The following YAF2 variants were observed in gnomAD, a reference collection of about 807,000 sequenced individuals.
YAF2 encodes YY1 associated factor 2.
YAF2 carries 7 observed loss-of-function variants against 20.1 expected under a neutral mutation model. That is an observed-to-expected ratio of 0.35 (90% CI 0.20 to 0.65). The LOEUF is 0.65. Among genes scored for constraint, YAF2 ranks in the 30% least tolerant of loss-of-function variants. YAF2 has a pLI of 0.69. For missense variants in YAF2, 151 were observed against 219.2 expected (o/e 0.69, Z 1.96); for synonymous variants, 74 against 76.0 (o/e 0.97, Z 0.14).
At chr12:42,204,405 C>A (rs1040927383) in intron 2 of YAF2, among the ~76,000 whole-genome samples, 4 of 152,182 alleles carry the variant, frequency 2.6e-5, no homozygotes, top group Admixed American at 1.3e-4. Context: ...CTACTATGTA[C>A]AGACTTTTTT....
chr12:42,234,920 C>T, intron 2 of YAF2: 4 of 884,434 alleles, frequency 4.5e-6, no homozygotes, highest in East Asian at 1.2e-4. Context: ...CCTGGGAGTT[C>T]GAGGCTGCAG....
chr12:42,235,021 G>C, intron 2 of YAF2: 1 of 985,338 alleles, frequency 1.0e-6, no homozygotes, highest in African/African-American at 1.7e-5. Flanking sequence ...AGACTTCAAA[G>C]GTAGAACAAG....
intron 2 of YAF2, among the ~76,000 whole-genome samples, chr12:42,165,564 C>T (rs768670041): frequency 3.3e-4 from 50 of 150,950 alleles, no homozygotes; most frequent in Non-Finnish European, 6.5e-4. Context: ...CCTGGGTTCA[C>T]GCCATTCTCC....
chr12:42,233,575 G>A, intron 2 of YAF2: 1 of 786,824 alleles, frequency 1.3e-6, no homozygotes, highest in Non-Finnish European at 1.5e-6. Context: ...GCAGTGGTAT[G>A]ATCACAGCTC....
At position 42,168,673 on chromosome 12, in the gene YAF2, A is replaced by C. The variant is rs184385727; in HGVS notation, c.153-6908T>G. Among the ~76,000 whole-genome samples, 30 of 152,312 alleles carry C rather than the reference A, an allele frequency of 2.0e-4. 1 individual carries two copies. The highest frequency in any genetic ancestry group is 7.2e-4 in the Admixed American group (11 of 15,298). The stretch of plus-strand genomic sequence containing the variant: ...TTATACACAATTTCTCCTTTAAAAA[A>C]ACAAGAACACTCCATTCACAGGAAC... On this transcript the variant is annotated intron_variant, in intron 2 of 3. Coordinates refer to ENST00000534854, the MANE Select transcript of YAF2 (RefSeq NM_005748.6).
At chr12:42,220,656 A>G (rs2067486092) in intron 2 of YAF2, among the ~76,000 whole-genome samples, 1 of 152,222 alleles carries the variant, frequency 6.6e-6, no homozygotes, top group Admixed American at 6.5e-5. Context: ...TGGCATAAAA[A>G]TCATTTACTT....
intron 2 of YAF2, chr12:42,235,598 G>A: frequency 6.9e-7 from 1 of 1,448,266 alleles, no homozygotes; most frequent in Non-Finnish European, 9.0e-7. Flanking sequence ...AGAGGGTCGT[G>A]GTGTAGAACA....
chr12:42,186,785 C>G (rs903746077), intron 2 of YAF2, among the ~76,000 whole-genome samples: 1 of 152,162 alleles, frequency 6.6e-6, no homozygotes, highest in Non-Finnish European at 1.5e-5. Context: ...TTGGAATATT[C>G]AAACTGTTAG....
chr12:42,177,489 A>C (rs2066225874), intron 2 of YAF2, among the ~76,000 whole-genome samples: 8 of 152,112 alleles, frequency 5.3e-5, no homozygotes, highest in Admixed American at 4.6e-4. Flanking sequence ...GAGACCGACA[A>C]ACCTCTCCCT....
intron 2 of YAF2, among the ~76,000 whole-genome samples, chr12:42,164,096 C>T (rs1197218387): frequency 6.6e-6 from 1 of 152,184 alleles, no homozygotes; most frequent in Admixed American, 6.5e-5. Flanking sequence ...TTGATGTGCA[C>T]AAAATGGTTG....
intron 2 of YAF2, among the ~76,000 whole-genome samples, chr12:42,183,110 G>A (rs577476963): frequency 6.6e-6 from 1 of 152,208 alleles, no homozygotes; most frequent in Non-Finnish European, 1.5e-5. Flanking sequence ...ATTGTTTTGA[G>A]GAGCCAAGGC....
At chr12:42,181,362 C>G (rs1399062388) in intron 2 of YAF2, among the ~76,000 whole-genome samples, 1 of 152,222 alleles carries the variant, frequency 6.6e-6, no homozygotes, top group Non-Finnish European at 1.5e-5. Flanking sequence ...TGGTAAGACA[C>G]TGGTTTTAAG....
chr12:42,226,603 G>A (rs73281897), intron 2 of YAF2, among the ~76,000 whole-genome samples: 2 of 152,118 alleles, frequency 1.3e-5, no homozygotes, highest in African/African-American at 4.8e-5. Context: ...GGTTGAGGCT[G>A]CAGTAAGCTA....
At chr12:42,186,438 G>A (rs1056279952) in intron 2 of YAF2, among the ~76,000 whole-genome samples, 1 of 152,034 alleles carries the variant, frequency 6.6e-6, no homozygotes, top group Non-Finnish European at 1.5e-5. Context: ...TTTCCTGAGG[G>A]GGGCAGAGGG....
At chr12:42,181,587 A>G (rs2066343402) in intron 2 of YAF2, among the ~76,000 whole-genome samples, 1 of 152,238 alleles carries the variant, frequency 6.6e-6, no homozygotes, top group East Asian at 1.9e-4. Flanking sequence ...AGCCTGGTAT[A>G]ATCATAAACT....
intron 2 of YAF2, among the ~76,000 whole-genome samples, chr12:42,222,551 G>A (rs1051188005): frequency 6.6e-6 from 1 of 152,136 alleles, no homozygotes; most frequent in African/African-American, 2.4e-5. Flanking sequence ...TCTGAACACA[G>A]TAAAGCACTA....
intron 2 of YAF2, among the ~76,000 whole-genome samples, chr12:42,227,982 G>GC (rs1378985206): frequency 7.1e-6 from 1 of 140,842 alleles, no homozygotes; most frequent in African/African-American, 2.7e-5. Flanking sequence ...GGGGGGGTCA[G>GC]CCCCCCGCCT....
chr12:42,233,898 C>T, intron 2 of YAF2: 1 of 985,448 alleles, frequency 1.0e-6, no homozygotes, highest in Non-Finnish European at 1.2e-6. Context: ...AGGCTGGGCA[C>T]AGTGTCTCAC....
intron 2 of YAF2, chr12:42,235,553 G>A: frequency 5.1e-6 from 7 of 1,370,104 alleles, no homozygotes; most frequent in Non-Finnish European, 6.6e-6. Flanking sequence ...AAAATCAAAA[G>A]AGAAGAGAAT....
Sources: allele counts gnomAD v4.1 joint callset (sites outside exome capture counted in the v4.1 genomes callset), GRCh38; gene constraint gnomAD v4.1.1; transcripts MANE v1.5; gene names NCBI Gene and HGNC (gene_info 2026-07-23, HGNC 2026-07-21).